The following PPM1L variants were observed in gnomAD, a reference collection of about 807,000 sequenced individuals.
The protein encoded by PPM1L is protein phosphatase 1L.
Under a neutral mutation model 31.4 loss-of-function variants are expected in PPM1L, and 13 were observed. The observed-to-expected ratio is 0.41, with a 90% confidence interval of 0.27 to 0.66. The LOEUF (loss-of-function observed/expected upper bound fraction) is 0.66, where lower values mean the gene tolerates loss of function less well. Ranked by LOEUF, PPM1L falls within the 30% of genes least tolerant of loss-of-function variation. PPM1L has a pLI of 0.29. For synonymous variants in PPM1L, 184 were observed against 175.4 expected, an observed-to-expected ratio of 1.05 and a Z score of -0.39; for missense variants, 326 against 453.7, an observed-to-expected ratio of 0.72 and a Z score of 2.56.
chr3:160,941,360 G>A (rs1715154955), intron 1 of PPM1L, among the ~76,000 whole-genome samples: 1 of 152,092 alleles, frequency 6.6e-6, no homozygotes. Context: ...AGAGGGGACA[G>A]GGGCAGAATG....
chr3:160,983,054 A>G (rs919655656), intron 2 of PPM1L, among the ~76,000 whole-genome samples: 14 of 152,222 alleles, frequency 9.2e-5, no homozygotes, highest in African/African-American at 3.4e-4. Flanking sequence ...GGAAAACCAA[A>G]ATGCCTTCAC....
chr3:161,022,638 A>G (rs960256895), intron 2 of PPM1L, among the ~76,000 whole-genome samples: 21 of 148,274 alleles, frequency 1.4e-4, no homozygotes, highest in Admixed American at 4.7e-4. Flanking sequence ...TATCTGAATA[A>G]CTTACTTAAT....
chr3:160,977,027 C>T (rs1337719537), intron 2 of PPM1L, among the ~76,000 whole-genome samples: 1 of 152,064 alleles, frequency 6.6e-6, no homozygotes, highest in Non-Finnish European at 1.5e-5. Context: ...ATAAATTTCC[C>T]TCTACACACT....
At chr3:160,783,612 AAAG>A (rs1711813093) in intron 1 of PPM1L, among the ~76,000 whole-genome samples, 2 of 150,102 alleles carry the variant, frequency 1.3e-5, no homozygotes, top group African/African-American at 2.5e-5. Flanking sequence ...AAAAAAAAAA[AAAG>A]AAAAAGAAAG....
At chr3:161,036,310 G>A (rs1718739082) in intron 2 of PPM1L, among the ~76,000 whole-genome samples, 1 of 152,170 alleles carries the variant, frequency 6.6e-6, no homozygotes, top group South Asian at 2.1e-4. Context: ...ATCAGACCCT[G>A]TGGAAGTTAA....
At chr3:160,816,181 G>A (rs561115874) in intron 1 of PPM1L, among the ~76,000 whole-genome samples, 9 of 152,040 alleles carry the variant, frequency 5.9e-5, no homozygotes, top group Non-Finnish European at 7.4e-5. Context: ...CTCCTTAAGA[G>A]TAAAAAGTAT....
intron 1 of PPM1L, among the ~76,000 whole-genome samples, chr3:160,954,074 C>A (rs571422534): frequency 9.9e-5 from 15 of 152,186 alleles, no homozygotes; most frequent in African/African-American, 3.4e-4. Flanking sequence ...GTTTCCTGCT[C>A]CCATACTCAC....
intron 1 of PPM1L, among the ~76,000 whole-genome samples, chr3:160,859,715 C>A (rs544609997): frequency 1.5e-4 from 23 of 152,022 alleles, no homozygotes; most frequent in Non-Finnish European, 3.1e-4. Context: ...CACAAATGAC[C>A]CCTTTCTGAG....
chr3:160,881,209 G>T (rs1712700394), intron 1 of PPM1L, among the ~76,000 whole-genome samples: 1 of 152,168 alleles, frequency 6.6e-6, no homozygotes, highest in Non-Finnish European at 1.5e-5. Flanking sequence ...CGGGGCTTGG[G>T]AAATAATCTC....
chr3:160,963,114 C>T (rs1716018322), intron 2 of PPM1L, among the ~76,000 whole-genome samples: 1 of 151,936 alleles, frequency 6.6e-6, no homozygotes. Context: ...CAGTCCCAAC[C>T]AAAATAATAT....
chr3:160,923,019 G>A (rs1489484286), intron 1 of PPM1L, among the ~76,000 whole-genome samples: 1 of 152,164 alleles, frequency 6.6e-6, no homozygotes, highest in African/African-American at 2.4e-5. Context: ...TGAAACTAAT[G>A]CCTATTCAGC....
rs141263312 is a variant in PPM1L, at chr3:160,861,348, C to T, written c.400-100388C>T. On this transcript the variant is annotated intron_variant, in intron 1 of 3. Transcript: ENST00000498165. Reference sequence around the variant, plus strand: ...ACTGATAGCTTTAACATGAGAAAGCCGAGATGTTAGATCATTTAGACAGGA... The same window carrying T: ...ACTGATAGCTTTAACATGAGAAAGCTGAGATGTTAGATCATTTAGACAGGA... Among the ~76,000 whole-genome samples, 537 of 152,090 alleles carry T rather than the reference C, an allele frequency of 3.5e-3. 5 individuals carry two copies. The highest frequency in any genetic ancestry group is 0.012 in the African/African-American group (503 of 41,490).
chr3:160,822,686 A>G (rs868210665), intron 1 of PPM1L, among the ~76,000 whole-genome samples: 11 of 152,252 alleles, frequency 7.2e-5, no homozygotes, highest in South Asian at 2.1e-4. Context: ...AATATGGTCA[A>G]TAGAAATGGT....
chr3:160,762,817 C>T (rs1715003234), intron 1 of PPM1L, among the ~76,000 whole-genome samples: 5 of 152,096 alleles, frequency 3.3e-5, no homozygotes. Context: ...TCTTATTTGT[C>T]AGGAGTAGGC....
At chr3:160,760,346 CT>C (rs753744276) in intron 1 of PPM1L, among the ~76,000 whole-genome samples, 3 of 152,202 alleles carry the variant, frequency 2.0e-5, no homozygotes, top group Non-Finnish European at 2.9e-5. Flanking sequence ...GCATATTTAA[CT>C]GTGAATTCTT....
chr3:161,038,075 A>T (rs1718798004), intron 2 of PPM1L, among the ~76,000 whole-genome samples: 1 of 151,684 alleles, frequency 6.6e-6, no homozygotes, highest in African/African-American at 2.4e-5. Context: ...CTACTAAAAA[A>T]TACGAAAAAT....
chr3:160,850,311 A>C (rs558851437), intron 1 of PPM1L, among the ~76,000 whole-genome samples: 7 of 152,230 alleles, frequency 4.6e-5, no homozygotes, highest in Non-Finnish European at 8.8e-5. Context: ...TGACCCAGCA[A>C]GAGCAGTTTC....
At chr3:160,928,738 CT>C (rs1345971017) in intron 1 of PPM1L, among the ~76,000 whole-genome samples, 1 of 152,054 alleles carries the variant, frequency 6.6e-6, no homozygotes, top group East Asian at 1.9e-4. Context: ...TAGCTAGGTC[CT>C]TTTGTCCCTC....
At chr3:160,884,021 G>A (rs1712823554) in intron 1 of PPM1L, among the ~76,000 whole-genome samples, 1 of 151,932 alleles carries the variant, frequency 6.6e-6, no homozygotes, top group Non-Finnish European at 1.5e-5. Context: ...CACGAGCTGT[G>A]ATTGAGCCAC....
Sources: allele counts gnomAD v4.1 joint callset (sites outside exome capture counted in the v4.1 genomes callset), GRCh38; gene constraint gnomAD v4.1.1; transcripts MANE v1.5; gene names NCBI Gene and HGNC (gene_info 2026-07-23, HGNC 2026-07-21).